The following EFNA5 variants were observed in gnomAD, a reference collection of about 807,000 sequenced individuals.
The protein encoded by EFNA5 is ephrin-A5.
In EFNA5, 5 loss-of-function variants were observed where a neutral mutation model predicts 22.9. That is an observed-to-expected ratio of 0.22 (90% CI 0.11 to 0.46). EFNA5 has a LOEUF of 0.46. Among genes scored for constraint, EFNA5 ranks in the 20% least tolerant of loss-of-function variants. The pLI is 0.99. For synonymous variants in EFNA5, 113 were observed against 112.2 expected (o/e 1.01, Z -0.04); for missense variants, 237 against 293.3 (o/e 0.81, Z 1.40).
chr5:107,463,127 T>A (rs1349282049), intron 1 of EFNA5, among the ~76,000 whole-genome samples: 1 of 152,156 alleles, frequency 6.6e-6, no homozygotes, highest in Non-Finnish European at 1.5e-5. Flanking sequence ...TCAAAGTTAA[T>A]CTACTTTTAT....
At chr5:107,591,537 T>C (rs1215040053) in intron 1 of EFNA5, among the ~76,000 whole-genome samples, 1 of 151,834 alleles carries the variant, frequency 6.6e-6, no homozygotes, top group Non-Finnish European at 1.5e-5. Context: ...TAAAAATGTA[T>C]TGAGGCCGGG....
chr5:107,588,412 T>G (rs17160227), intron 1 of EFNA5, among the ~76,000 whole-genome samples: 26,304 of 152,042 alleles, frequency 0.17, 2,706 homozygotes, highest in African/African-American at 0.28. Flanking sequence ...TATCCTAGTC[T>G]CTCTGCACTG....
chr5:107,435,493 G>A (rs1402308956), intron 1 of EFNA5, among the ~76,000 whole-genome samples: 1 of 152,016 alleles, frequency 6.6e-6, no homozygotes, highest in Non-Finnish European at 1.5e-5. Flanking sequence ...TCTTTCAGAT[G>A]TATTGGTAAT....
intron 1 of EFNA5, among the ~76,000 whole-genome samples, chr5:107,490,400 C>A (rs1184467329): frequency 6.6e-6 from 1 of 152,130 alleles, no homozygotes; most frequent in African/African-American, 2.4e-5. Context: ...CCAGCTATTG[C>A]TTTTAACACA....
chr5:107,486,122 T>C (rs973125816), intron 1 of EFNA5, among the ~76,000 whole-genome samples: 27 of 152,226 alleles, frequency 1.8e-4, no homozygotes, highest in African/African-American at 6.3e-4. Context: ...CCAATCCTTA[T>C]TGATTCATTT....
At chr5:107,466,014 G>A (rs951641499) in intron 1 of EFNA5, among the ~76,000 whole-genome samples, 1 of 152,134 alleles carries the variant, frequency 6.6e-6, no homozygotes, top group Non-Finnish European at 1.5e-5. Context: ...AGAAAGTCGG[G>A]AGCAGGAGGA....
intron 1 of EFNA5, among the ~76,000 whole-genome samples, chr5:107,649,479 T>C (rs1398085880): frequency 6.6e-6 from 1 of 152,146 alleles, no homozygotes; most frequent in Admixed American, 6.5e-5. Context: ...TGAATCAGAA[T>C]AATAAAAATG....
At chr5:107,590,801 C>T (rs987293675) in intron 1 of EFNA5, among the ~76,000 whole-genome samples, 1 of 152,204 alleles carries the variant, frequency 6.6e-6, no homozygotes, top group African/African-American at 2.4e-5. Flanking sequence ...ACCACAACTG[C>T]TTTCAGAAAT....
At chr5:107,644,053 G>C (rs1049009825) in intron 1 of EFNA5, among the ~76,000 whole-genome samples, 4 of 152,032 alleles carry the variant, frequency 2.6e-5, no homozygotes, top group Admixed American at 6.6e-5. Context: ...CTCAGTATCT[G>C]TCTCTCCCTT....
chr5:107,482,870 C>CTATATATATATATA (rs72399506), intron 1 of EFNA5, among the ~76,000 whole-genome samples: 3 of 59,114 alleles, frequency 5.1e-5, no homozygotes, highest in African/African-American at 2.3e-4. Flanking sequence ...CTCTCTCTCT[C>CTATATATATATATA]TATATATATA....
At chr5:107,556,845 C>G (rs1748432479) in intron 1 of EFNA5, among the ~76,000 whole-genome samples, 1 of 151,732 alleles carries the variant, frequency 6.6e-6, no homozygotes, top group South Asian at 2.1e-4. Context: ...AGGAAGTCAC[C>G]TGAACAAATG....
chr5:107,432,658 G>T (rs1322256339), intron 1 of EFNA5, among the ~76,000 whole-genome samples: 1 of 152,154 alleles, frequency 6.6e-6, no homozygotes, highest in African/African-American at 2.4e-5. Flanking sequence ...TTACGGCCCT[G>T]CCTGTTTTCA....
At chr5:107,448,180 A>G (rs563088798) in intron 1 of EFNA5, among the ~76,000 whole-genome samples, 54 of 152,218 alleles carry the variant, frequency 3.5e-4, no homozygotes, top group Non-Finnish European at 7.3e-4. Flanking sequence ...CCTGGAGAAG[A>G]CAGACTGGAT....
intron 2 of EFNA5, among the ~76,000 whole-genome samples, chr5:107,408,770 C>T (rs10070032): frequency 0.028 from 4,281 of 152,244 alleles, 205 homozygotes; most frequent in African/African-American, 0.097. Context: ...GTGAGACAGC[C>T]CTGGCCTCCC....
intron 1 of EFNA5, among the ~76,000 whole-genome samples, chr5:107,531,063 C>T (rs1258698348): frequency 1.3e-5 from 2 of 152,146 alleles, no homozygotes; most frequent in Non-Finnish European, 2.9e-5. Context: ...ACTAAAAATG[C>T]CCTTTAACGA....
chr5:107,614,682 C>T (rs1749878762), intron 1 of EFNA5, among the ~76,000 whole-genome samples: 2 of 152,100 alleles, frequency 1.3e-5, no homozygotes, highest in African/African-American at 2.4e-5. Context: ...AAGATTTTCA[C>T]ATGAATTTCT....
intron 1 of EFNA5, among the ~76,000 whole-genome samples, chr5:107,602,751 G>A (rs1041264031): frequency 1.3e-5 from 2 of 152,152 alleles, no homozygotes; most frequent in Non-Finnish European, 2.9e-5. Context: ...AAGGAAAGCC[G>A]ATTTGGGATT....
chr5:107,446,152 G>C (rs1749387312), intron 1 of EFNA5, among the ~76,000 whole-genome samples: 1 of 152,124 alleles, frequency 6.6e-6, no homozygotes. Context: ...GACATGTTAG[G>C]ATTAAATGTA....
intron 1 of EFNA5, among the ~76,000 whole-genome samples, chr5:107,664,293 TTTTTAA>T (rs1183525644): frequency 6.6e-6 from 1 of 152,150 alleles, no homozygotes; most frequent in African/African-American, 2.4e-5. Context: ...ACTTGATTAA[TTTTTAA>T]TTTTAAGCTA....
Sources: allele counts gnomAD v4.1 joint callset (sites outside exome capture counted in the v4.1 genomes callset), GRCh38; gene constraint gnomAD v4.1.1; transcripts MANE v1.5; gene names NCBI Gene and HGNC (gene_info 2026-07-23, HGNC 2026-07-21).